The following PLAC9 variants were observed in gnomAD, a reference collection of about 807,000 sequenced individuals.
PLAC9 encodes the protein placenta associated 9.
Under a neutral mutation model 11.5 loss-of-function variants are expected in PLAC9, and 12 were observed. The ratio of observed to expected loss-of-function variants is 1.05; its 90% CI spans 0.67 to 1.69. PLAC9 has a LOEUF of 1.69. Ranked by LOEUF, PLAC9 falls within the 40% of genes most tolerant of loss-of-function variation. PLAC9 has a pLI of 0.00. For missense variants in PLAC9, 132 were observed against 130.5 expected (o/e 1.01, Z -0.06); for synonymous variants, 62 against 58.1 (o/e 1.07, Z -0.31).
intron 1 of PLAC9, among the ~76,000 whole-genome samples, chr10:80,138,895 T>G (rs1845007925): frequency 6.6e-6 from 1 of 152,074 alleles, no homozygotes; most frequent in African/African-American, 2.4e-5. Context: ...GGCCACAGCC[T>G]TAATATTGTC....
Position 80,145,057 on chromosome 10 carries a change from C to A in PLAC9, c.*147C>A. On this transcript the variant is annotated 3_prime_UTR_variant, in exon 4 of 4. Coordinates refer to ENST00000372263, the MANE Select transcript of PLAC9 (RefSeq NM_001012973.3). ...CCTCTGTGTCTGCTGACAGAGTAAC[C>A]CGTTTAACTACAGCCTCCTCTCACT... 1 of 1,039,578 alleles carries A rather than the reference C, an allele frequency of 9.6e-7. No homozygotes were observed. The highest frequency in any genetic ancestry group is 1.5e-6 in the Non-Finnish European group (1 of 686,468). 64.4% of individuals were successfully genotyped at this position (1,039,578 alleles called of 1,614,324 possible).
upstream of PLAC9, chr10:80,132,602 G>C (rs1327763066): frequency 7.8e-6 from 4 of 510,394 alleles, no homozygotes; most frequent in Non-Finnish European, 1.3e-5. Flanking sequence ...ACGGGGTGCC[G>C]AGGGGCCTCT....
At chr10:80,134,173 TTTATCTCA>T (rs149660345) in intron 1 of PLAC9, among the ~76,000 whole-genome samples, 15,122 of 151,878 alleles carry the variant, frequency 0.1, 926 homozygotes, top group Admixed American at 0.21. Flanking sequence ...CATGGGCAGT[TTTATCTCA>T]TCTATAGCCT....
At chr10:80,139,644 C>A (rs914065755) in intron 1 of PLAC9, among the ~76,000 whole-genome samples, 6 of 152,204 alleles carry the variant, frequency 3.9e-5, no homozygotes, top group African/African-American at 1.4e-4. Flanking sequence ...ATTCAAGTCC[C>A]TTACCTAGTG....
chr10:80,142,049 G>C (rs753882869), intron 1 of PLAC9, 33 bp from the exon 2 acceptor site: 1 of 1,567,510 alleles, frequency 6.4e-7, no homozygotes, highest in Non-Finnish European at 8.7e-7. Context: ...GAAAACTAAG[G>C]GTCCCACAGT....
At chr10:80,137,999 G>A (rs1219718287) in intron 1 of PLAC9, among the ~76,000 whole-genome samples, 1 of 152,078 alleles carries the variant, frequency 6.6e-6, no homozygotes, top group African/African-American at 2.4e-5. Flanking sequence ...CAGGATGTGG[G>A]GCCAGGATGG....
Position 80,145,130 on chromosome 10 carries a change from C to T in PLAC9, c.*220C>T, listed in dbSNP as rs1450213387. 5.8e-6 allele frequency: 4 copies of T among 688,568 alleles called. No homozygotes were observed. Among genetic ancestry groups the T allele is most frequent in the Non-Finnish European group, 2.6e-6 (1 of 385,446 alleles). The allele number at this position is 688,568 out of a possible 1,614,324, so 42.7% of individuals were successfully genotyped here. ...CCTGCAACCCCCTCCAGGCTCAGAC[C>T]TGGGGACACCCCCACTCCTGTCATT... On this transcript the variant is annotated 3_prime_UTR_variant, in exon 4 of 4. Coordinates refer to ENST00000372263, the MANE Select transcript of PLAC9 (RefSeq NM_001012973.3).
At chr10:80,139,870 C>T (rs548488378) in intron 1 of PLAC9, among the ~76,000 whole-genome samples, 7 of 152,036 alleles carry the variant, frequency 4.6e-5, no homozygotes, top group Non-Finnish European at 8.8e-5. Flanking sequence ...ATTACAGGCA[C>T]GAGCTACCAT....
intron 1 of PLAC9, among the ~76,000 whole-genome samples, chr10:80,139,335 T>C (rs914118554): frequency 4.6e-5 from 7 of 152,296 alleles, no homozygotes; most frequent in African/African-American, 1.7e-4. Context: ...TCCCAATTCA[T>C]TGGCCCTCTT....
intron 1 of PLAC9, among the ~76,000 whole-genome samples, chr10:80,140,069 T>A (rs901827302): frequency 5.9e-5 from 9 of 152,108 alleles, no homozygotes; most frequent in Admixed American, 5.9e-4. Flanking sequence ...CTTTGCCCAT[T>A]TTTGCTGCAT....
At chr10:80,143,911 C>T (rs1004995299) in intron 2 of PLAC9, 7 of 350,878 alleles carry the variant, frequency 2.0e-5, no homozygotes, top group Non-Finnish European at 3.8e-5. Flanking sequence ...GGGGGCGGAA[C>T]AACAAAAGGA....
At chr10:80,132,315 C>G (rs1161689026), upstream of PLAC9, among the ~76,000 whole-genome samples, 1 of 152,190 alleles carries the variant, frequency 6.6e-6, no homozygotes, top group Non-Finnish European at 1.5e-5. Flanking sequence ...TCCCAGGAGA[C>G]AGGGGTTCAG....
intron 1 of PLAC9, among the ~76,000 whole-genome samples, chr10:80,137,868 T>C (rs531945462): frequency 6.6e-6 from 1 of 151,680 alleles, no homozygotes; most frequent in African/African-American, 2.4e-5. Flanking sequence ...TGAGCCATGA[T>C]TGTGCCACTG....
chr10:80,137,984 C>T (rs1844998825), intron 1 of PLAC9, among the ~76,000 whole-genome samples: 1 of 152,044 alleles, frequency 6.6e-6, no homozygotes, highest in South Asian at 2.1e-4. Flanking sequence ...TCTCAAGGGC[C>T]TTCTCAGGAT....
intron 2 of PLAC9, among the ~76,000 whole-genome samples, chr10:80,143,100 A>G (rs1845059643): frequency 6.6e-6 from 1 of 151,222 alleles, no homozygotes; most frequent in African/African-American, 2.4e-5. Context: ...AGCCCATGGT[A>G]CAATCTTGGC....
chr10:80,144,128 C>T (rs1845072341), intron 2 of PLAC9, 95 bp from the exon 3 acceptor site: 1 of 1,558,150 alleles, frequency 6.4e-7, no homozygotes, highest in South Asian at 1.1e-5. Context: ...CCCACTGCAC[C>T]GCACTGGACC....
chr10:80,144,068 G>T (rs1162658635), intron 2 of PLAC9, 155 bp from the exon 3 acceptor site: 1 of 971,370 alleles, frequency 1.0e-6, no homozygotes, highest in South Asian at 1.4e-5. Context: ...AGGCAGGTAG[G>T]GGCAGAGCCT....
chr10:80,134,202 T>C (rs1844947594), intron 1 of PLAC9, among the ~76,000 whole-genome samples: 1 of 151,652 alleles, frequency 6.6e-6, no homozygotes, highest in South Asian at 2.1e-4. Flanking sequence ...CCACCCTCTC[T>C]CCCCTCCCTG....
At chr10:80,134,713 C>T (rs925471259) in intron 1 of PLAC9, among the ~76,000 whole-genome samples, 5 of 152,094 alleles carry the variant, frequency 3.3e-5, no homozygotes, top group Non-Finnish European at 7.4e-5. Context: ...TTCAAATGTC[C>T]TTGATTGATT....
Sources: gnomAD v4.1 joint callset for allele counts (sites outside exome capture counted in the v4.1 genomes callset) on GRCh38, gnomAD v4.1.1 for gene constraint, MANE v1.5 for transcripts, NCBI Gene and HGNC (gene_info 2026-07-23, HGNC 2026-07-21) for gene names.